The following NDST4 variants were observed in gnomAD, a reference collection of about 807,000 sequenced individuals.
The protein encoded by NDST4 is N-deacetylase and N-sulfotransferase 4, also known as N-heparan sulfate sulfotransferase 4.
A neutral mutation model predicts 100.8 loss-of-function variants in NDST4; 63 were observed. The observed-to-expected ratio is 0.62, with a 90% CI of 0.51 to 0.77. The LOEUF (loss-of-function observed/expected upper bound fraction) is 0.77. NDST4 is among the 30% of genes least tolerant of loss of function. NDST4 has a pLI of 0.00. For synonymous variants in NDST4, 377 were observed against 361.8 expected, an observed-to-expected ratio of 1.04 and a Z score of -0.48; for missense variants, 943 against 1,018.4, an observed-to-expected ratio of 0.93 and a Z score of 1.01.
intron 8 of NDST4, 64 bp from the exon 9 acceptor site, chr4:114,848,402 A>AT: frequency 7.8e-7 from 1 of 1,286,452 alleles, no homozygotes; most frequent in Non-Finnish European, 1.1e-6. Flanking sequence ...ATTTTAGCAT[A>AT]TTTTTGCTCA....
intron 6 of NDST4, among the ~76,000 whole-genome samples, chr4:114,929,684 C>T (rs1725472602): frequency 6.6e-6 from 1 of 152,082 alleles, no homozygotes; most frequent in South Asian, 2.1e-4. Context: ...ATAAGACTTA[C>T]TATAGTTTGA....
At chr4:114,875,439 C>A (rs1316372513) in intron 6 of NDST4, among the ~76,000 whole-genome samples, 1 of 152,066 alleles carries the variant, frequency 6.6e-6, no homozygotes, top group Non-Finnish European at 1.5e-5. Context: ...AAGACATTAT[C>A]TATGGAATAA....
intron 2 of NDST4, among the ~76,000 whole-genome samples, chr4:115,061,197 T>C (rs988351994): frequency 6.6e-6 from 1 of 152,072 alleles, no homozygotes; most frequent in African/African-American, 2.4e-5. Flanking sequence ...AGTTCAACCA[T>C]TGTGGAAGAG....
At chr4:114,868,391 T>C (rs950274926) in intron 7 of NDST4, among the ~76,000 whole-genome samples, 3 of 152,094 alleles carry the variant, frequency 2.0e-5, no homozygotes, top group African/African-American at 7.2e-5. Context: ...TGTGTTATTA[T>C]AGATATGAAT....
At chr4:115,113,244 A>G (rs1729990465) in intron 1 of NDST4, among the ~76,000 whole-genome samples, 200 bp downstream of exon 1, 1 of 151,884 alleles carries the variant, frequency 6.6e-6, no homozygotes, top group South Asian at 2.1e-4. Context: ...ACGTGCAAAT[A>G]TAACTTCTAT....
chr4:114,965,662 G>C (rs1268409119), intron 4 of NDST4, among the ~76,000 whole-genome samples: 1 of 151,824 alleles, frequency 6.6e-6, no homozygotes, highest in African/African-American at 2.4e-5. Context: ...ACCCCTTCAG[G>C]ATATTTCATG....
chr4:114,844,085 T>C (rs1003431319), intron 10 of NDST4, among the ~76,000 whole-genome samples: 1 of 149,692 alleles, frequency 6.7e-6, no homozygotes, highest in Non-Finnish European at 1.5e-5. Context: ...CTTGACACTA[T>C]GTTCTCACCA....
At chr4:115,068,475 A>T (rs1728998707) in intron 2 of NDST4, among the ~76,000 whole-genome samples, 1 of 152,110 alleles carries the variant, frequency 6.6e-6, no homozygotes, top group Non-Finnish European at 1.5e-5. Flanking sequence ...CTTCAAGATG[A>T]AGTTCAAAAC....
Position 114,881,401 on chromosome 4 carries a change from A to T in NDST4, c.1537-10451T>A, listed in dbSNP as rs994193926. ...GAAGGTATACTCAGGTTTCTGGCTT[A>T]GGTGACTGGATAGATACTGGAGCAA... On this transcript the variant is annotated intron_variant, in intron 6 of 13. Transcript: ENST00000264363. 3.3e-5 allele frequency among the ~76,000 whole-genome samples: 5 copies of T among 152,266 alleles called. No homozygotes were observed. In the South Asian group the frequency reaches 1.0e-3, roughly 32 times the overall value.
intron 4 of NDST4, among the ~76,000 whole-genome samples, chr4:114,969,744 G>A (rs1438442891): frequency 6.6e-6 from 1 of 152,158 alleles, no homozygotes; most frequent in Non-Finnish European, 1.5e-5. Context: ...TTGATTCCAT[G>A]ACTTTGCTGT....
intron 1 of NDST4, among the ~76,000 whole-genome samples, chr4:115,088,709 A>C (rs1409840122): frequency 1.3e-5 from 2 of 151,768 alleles, no homozygotes; most frequent in African/African-American, 2.4e-5. Context: ...GCTTTTTGAG[A>C]GTTTACTCTT....
At chr4:114,979,442 T>C (rs1386683390) in intron 2 of NDST4, among the ~76,000 whole-genome samples, 1 of 150,348 alleles carries the variant, frequency 6.7e-6, no homozygotes, top group African/African-American at 2.4e-5. Context: ...ATGAGTAAGG[T>C]TTGATGTATC....
Position 115,073,390 on chromosome 4 carries a change from A to G in NDST4, c.978+2669T>C, listed in dbSNP as rs574222610. ...CTTGTTCATTTAAGCATTATTTACA[A>G]TAGCCAAGATATAGAATCAGCCTAA... is the stretch of plus-strand genomic sequence containing the variant. On this transcript the variant is annotated intron_variant, in intron 2 of 13. Coordinates refer to ENST00000264363, the MANE Select transcript of NDST4 (RefSeq NM_022569.3). Among the ~76,000 whole-genome samples the G allele has an allele frequency of 1.0e-3, 156 of 152,190 alleles. 2 individuals are homozygous for G. The highest frequency in any genetic ancestry group is 6.8e-3 in the Middle Eastern group (2 of 294).
chr4:115,072,152 C>G (rs1307752057), intron 2 of NDST4, among the ~76,000 whole-genome samples: 1 of 152,004 alleles, frequency 6.6e-6, no homozygotes, highest in Non-Finnish European at 1.5e-5. Context: ...GACACAGGAT[C>G]TTGAAAGCAG....
intron 6 of NDST4, among the ~76,000 whole-genome samples, chr4:114,921,121 A>G (rs986005105): frequency 1.3e-4 from 20 of 152,342 alleles, no homozygotes; most frequent in African/African-American, 4.8e-4. Flanking sequence ...TACAAAAATT[A>G]AAACACCTTA....
chr4:115,031,605 C>T (rs1178799600), intron 2 of NDST4, among the ~76,000 whole-genome samples: 1 of 152,070 alleles, frequency 6.6e-6, no homozygotes, highest in African/African-American at 2.4e-5. Flanking sequence ...ACTCAGGTTC[C>T]ATGCTAGCTC....
intron 6 of NDST4, among the ~76,000 whole-genome samples, chr4:114,904,006 C>T (rs760541507): frequency 5.9e-5 from 9 of 151,944 alleles, no homozygotes; most frequent in Admixed American, 1.3e-4. Flanking sequence ...TATATTCAAG[C>T]TTTTAAAAAT....
intron 2 of NDST4, among the ~76,000 whole-genome samples, chr4:114,991,133 G>A (rs1331146892): frequency 6.6e-6 from 1 of 152,088 alleles, no homozygotes; most frequent in African/African-American, 2.4e-5. Flanking sequence ...AGCAGAATGA[G>A]TATAGACTGG....
At chr4:115,052,396 A>C (rs1728601241) in intron 2 of NDST4, among the ~76,000 whole-genome samples, 1 of 152,142 alleles carries the variant, frequency 6.6e-6, no homozygotes. Context: ...AAAGTACTCT[A>C]TTCACCTATC....
Sources: gnomAD v4.1 joint callset for allele counts (sites outside exome capture counted in the v4.1 genomes callset) on GRCh38, gnomAD v4.1.1 for gene constraint, MANE v1.5 for transcripts, NCBI Gene and HGNC (gene_info 2026-07-23, HGNC 2026-07-21) for gene names.